The following LRP6 variants were observed in gnomAD, a reference collection of about 807,000 sequenced individuals.
LRP6 encodes LDL receptor related protein 6.
In LRP6, 43 loss-of-function variants were observed where a neutral mutation model predicts 184.1. The ratio of observed to expected loss-of-function variants is 0.23; its 90% CI spans 0.18 to 0.30. The LOEUF (loss-of-function observed/expected upper bound fraction) is 0.30, where lower values mean the gene tolerates loss of function less well. Ranked by LOEUF, LRP6 falls within the 10% of genes least tolerant of loss-of-function variation. The probability of loss-of-function intolerance (pLI) is 1.00; values close to 1 mark genes in which losing one functional copy is unlikely to be tolerated. For synonymous variants in LRP6, 719 were observed against 684.9 expected, an observed-to-expected ratio of 1.05 and a Z score of -0.78; for missense variants, 1,571 against 2,005.3, an observed-to-expected ratio of 0.78 and a Z score of 4.14.
chr12:12,261,265 A>T (rs1239317825), intron 1 of LRP6, among the ~76,000 whole-genome samples: 1 of 152,088 alleles, frequency 6.6e-6, no homozygotes, highest in Admixed American at 6.6e-5. Context: ...CTAAAAATAC[A>T]AAAAATTAAT....
intron 2 of LRP6, among the ~76,000 whole-genome samples, chr12:12,225,658 G>T (rs1864602232): frequency 6.6e-6 from 1 of 151,994 alleles, no homozygotes; most frequent in Admixed American, 6.5e-5. Flanking sequence ...GATCACTTGA[G>T]GTCAGGAGTT....
At position 12,266,814 on chromosome 12, in the gene LRP6, G is replaced by A. The variant is rs1865780306; in HGVS notation, c.-79C>T. 2 of 1,156,882 alleles carry A rather than the reference G, an allele frequency of 1.7e-6. No homozygotes were observed. The highest frequency in any genetic ancestry group is 1.5e-5 in the African/African-American group (1 of 65,478). The allele number at this position is 1,156,882 out of a possible 1,614,324, so 71.7% of individuals were successfully genotyped here. A position where few individuals can be genotyped will look rare whatever the true frequency, so the allele number is the denominator to read the frequency against. On this transcript the variant is annotated 5_prime_UTR_variant, in exon 1 of 23. Transcript: ENST00000261349. ...GAGGCGAGGAGCCGGGGCGGCCGCCGCAGCGGCAGGGCTGCACGCTCATAC... is the reference window on the plus strand; with the variant it reads ...GAGGCGAGGAGCCGGGGCGGCCGCCACAGCGGCAGGGCTGCACGCTCATAC...
At chr12:12,188,209 CAA>C (rs753891360) in intron 3 of LRP6, among the ~76,000 whole-genome samples, 6 of 65,342 alleles carry the variant, frequency 9.2e-5, no homozygotes, top group Admixed American at 3.8e-4. Flanking sequence ...AGACTCATCT[CAA>C]AAAAAAAAAA....
At chr12:12,155,711 T>C in intron 12 of LRP6, 3 of 990,588 alleles carry the variant, frequency 3.0e-6, no homozygotes, top group Non-Finnish European at 1.6e-6. Context: ...GCATATTTTG[T>C]GAGAACCAGT....
chr12:12,192,408 C>G (rs528545651), intron 3 of LRP6, among the ~76,000 whole-genome samples: 1 of 150,558 alleles, frequency 6.6e-6, no homozygotes, highest in African/African-American at 2.4e-5. Context: ...ACTAAAATGT[C>G]AGACATAAGC....
chr12:12,162,587 C>T (rs1389889104), intron 9 of LRP6, among the ~76,000 whole-genome samples, 168 bp from the exon 10 acceptor site: 9 of 152,290 alleles, frequency 5.9e-5, no homozygotes, highest in African/African-American at 2.2e-4. Context: ...AATTTGATGT[C>T]AATCTCTAAT....
intron 2 of LRP6, among the ~76,000 whole-genome samples, chr12:12,231,180 C>CAAAA (rs10661340): frequency 0.12 from 2,856 of 23,564 alleles, 1,013 homozygotes; most frequent in South Asian, 0.21. Context: ...GACTCCATCT[C>CAAAA]AAAAAAAAAA....
At chr12:12,247,147 C>T (rs541617582) in intron 1 of LRP6, among the ~76,000 whole-genome samples, 6 of 152,176 alleles carry the variant, frequency 3.9e-5, no homozygotes, top group Non-Finnish European at 5.9e-5. Flanking sequence ...GTCTCTCATA[C>T]TATGGGCCAA....
chr12:12,149,888 A>T (rs1021014532), intron 13 of LRP6, among the ~76,000 whole-genome samples: 2 of 152,126 alleles, frequency 1.3e-5, no homozygotes, highest in African/African-American at 4.8e-5. Flanking sequence ...CATATTCCTT[A>T]ATTTCTATCT....
chr12:12,224,456 C>A (rs1864564315), intron 2 of LRP6, among the ~76,000 whole-genome samples: 1 of 151,802 alleles, frequency 6.6e-6, no homozygotes, highest in African/African-American at 2.4e-5. Flanking sequence ...AGACTCATTT[C>A]AGAAAACTTC....
chr12:12,263,830 C>T (rs1486426533), intron 1 of LRP6, among the ~76,000 whole-genome samples: 13 of 151,650 alleles, frequency 8.6e-5, no homozygotes, highest in Non-Finnish European at 1.6e-4. Context: ...CAAGACCCTA[C>T]CTCCAAAAAA....
At chr12:12,266,419 GT>G (rs1865764315) in intron 1 of LRP6, among the ~76,000 whole-genome samples, 1 of 152,164 alleles carries the variant, frequency 6.6e-6, no homozygotes, top group Non-Finnish European at 1.5e-5. Context: ...GGTGCCAAGG[GT>G]TCCCTAAGAC....
intron 5 of LRP6, among the ~76,000 whole-genome samples, chr12:12,182,972 C>T (rs1863378679): frequency 6.6e-6 from 1 of 152,204 alleles, no homozygotes. Context: ...AGTCAGGCTA[C>T]ATTTTTAAAG....
chr12:12,153,786 A>G (rs1028673340), intron 12 of LRP6, among the ~76,000 whole-genome samples: 7 of 152,170 alleles, frequency 4.6e-5, no homozygotes, highest in Non-Finnish European at 8.8e-5. Context: ...GCATTCCCAC[A>G]ATGGAGACAT....
At chr12:12,145,336 T>C (rs952235650) in intron 15 of LRP6, among the ~76,000 whole-genome samples, 2 of 150,650 alleles carry the variant, frequency 1.3e-5, no homozygotes, top group African/African-American at 4.9e-5. Context: ...TTAAAAAAAA[T>C]GTGAAAAAAA....
Position 12,175,141 on chromosome 12 carries a change from C to T in LRP6, c.1545+4669G>A, listed in dbSNP as rs1297654601. Among the ~76,000 whole-genome samples, 22 of 152,296 alleles carry T rather than the reference C, an allele frequency of 1.4e-4. No individual in the cohort carries two copies. In the South Asian group the frequency reaches 4.6e-3, roughly 32 times the overall value. ...TGGTGGCTCAAACCTATAATCCCAACACTTTGGCAGGCCGAGGTGGGTGGA... is the reference window on the plus strand; with the variant it reads ...TGGTGGCTCAAACCTATAATCCCAATACTTTGGCAGGCCGAGGTGGGTGGA... On this transcript the variant is annotated intron_variant, in intron 7 of 22. Coordinates refer to ENST00000261349, the MANE Select transcript of LRP6 (RefSeq NM_002336.3).
intron 3 of LRP6, among the ~76,000 whole-genome samples, chr12:12,195,554 C>T (rs1863732236): frequency 6.6e-6 from 1 of 151,944 alleles, no homozygotes; most frequent in South Asian, 2.1e-4. Flanking sequence ...TGGTTTTTTG[C>T]TGTTGAACTG....
chr12:12,153,679 A>C (rs574185240), intron 12 of LRP6, among the ~76,000 whole-genome samples: 1 of 152,320 alleles, frequency 6.6e-6, no homozygotes, highest in South Asian at 2.1e-4. Flanking sequence ...AAAAGCCTAA[A>C]TCCACCCTAT....
At chr12:12,253,092 T>C (rs1400517809) in intron 1 of LRP6, among the ~76,000 whole-genome samples, 3 of 152,042 alleles carry the variant, frequency 2.0e-5, no homozygotes, top group East Asian at 1.9e-4. Context: ...GGCGAAACCC[T>C]GTCTCTACCA....
Sources: gnomAD v4.1 joint callset for allele counts (sites outside exome capture counted in the v4.1 genomes callset) on GRCh38, gnomAD v4.1.1 for gene constraint, MANE v1.5 for transcripts, NCBI Gene and HGNC (gene_info 2026-07-23, HGNC 2026-07-21) for gene names.